NECAP1: variants seen among roughly 807,000 people sequenced by gnomAD.
NECAP1 encodes the protein adaptin ear-binding coat-associated protein 1.
NECAP1 carries 13 observed loss-of-function variants against 33.4 expected under a neutral mutation model. The ratio of observed to expected loss-of-function variants is 0.39; its 90% confidence interval spans 0.25 to 0.62. NECAP1 has a LOEUF of 0.62. NECAP1 is among the 20% of genes least tolerant of loss of function. The pLI is 0.52. For missense variants in NECAP1, 272 were observed against 347.4 expected, an observed-to-expected ratio of 0.78 and a Z score of 1.73; for synonymous variants, 109 against 125.2, an observed-to-expected ratio of 0.87 and a Z score of 0.86.
At chr12:8,084,809 C>T (rs904007456) in intron 1 of NECAP1, among the ~76,000 whole-genome samples, 12 of 152,138 alleles carry the variant, frequency 7.9e-5, no homozygotes, top group African/African-American at 2.7e-4. Context: ...TTTATATTCC[C>T]AGGGTCTAGC....
At chr12:8,087,598 A>T (rs779158202) in intron 1 of NECAP1, among the ~76,000 whole-genome samples, 3 of 150,136 alleles carry the variant, frequency 2.0e-5, no homozygotes, top group African/African-American at 7.4e-5. Context: ...ATCATAGCTC[A>T]CTGCAACCTC....
At chr12:8,093,202 A>G in intron 6 of NECAP1, 147 bp downstream of exon 6, 1 of 745,172 alleles carries the variant, frequency 1.3e-6, no homozygotes, top group South Asian at 1.8e-5. Flanking sequence ...AAGGAATCAA[A>G]GCTTTTCTAG....
chr12:8,090,387 T>C (rs1447420312), intron 3 of NECAP1, 88 bp downstream of exon 3: 2 of 1,180,044 alleles, frequency 1.7e-6, no homozygotes. Context: ...GCATTTATCT[T>C]TCTTTGGTTT....
chr12:8,086,475 G>A (rs961285399), intron 1 of NECAP1, among the ~76,000 whole-genome samples: 3 of 151,654 alleles, frequency 2.0e-5, no homozygotes, highest in East Asian at 1.9e-4. Context: ...TTAGCCAGCC[G>A]TGGTGGCGCA....
chr12:8,092,805 T>A, intron 5 of NECAP1, 21 bp downstream of exon 5: 2 of 1,601,146 alleles, frequency 1.2e-6, no homozygotes, highest in Non-Finnish European at 1.7e-6. Context: ...TTTTTAAAAA[T>A]TTTGTTTTCC....
In NECAP1 at chr12:8,097,260, C is replaced by G. The variant is rs867077853; in HGVS notation, c.*1170C>G. 6.6e-6 allele frequency: 1 copy of G among 152,604 alleles called. No individual in the cohort carries two copies. Among genetic ancestry groups the G allele is most frequent in the African/African-American group, 2.4e-5 (1 of 41,438 alleles). 9.5% of individuals were successfully genotyped at this position (152,604 alleles called of 1,614,324 possible). A position where few individuals can be genotyped will look rare whatever the true frequency, so the allele number is the denominator to read the frequency against. On this transcript the variant is annotated 3_prime_UTR_variant, in exon 8 of 8. Transcript: ENST00000339754. ...TTTCCTTTCCCTCTGCCCTGCCATT[C>G]CTATTACAATGCTGTGAAAAAAGTT...
In NECAP1 at chr12:8,089,767, A is replaced by G. The variant is rs78547750; in HGVS notation, c.96-169A>G. On this transcript the variant is annotated intron_variant, in intron 1 of 7. Transcript: ENST00000339754. The stretch of plus-strand genomic sequence containing the variant: ...TAGCATTGTCTTTTACTTGCTTTGG[A>G]CTGTATGTAACATGAGGCATCTAAA... 9.3e-4 allele frequency: 567 copies of G among 611,848 alleles called. 2 individuals are homozygous for G. In the East Asian group the frequency reaches 0.014, roughly 16 times the overall value. The allele number at this position is 611,848 out of a possible 1,614,324, so 37.9% of individuals were successfully genotyped here.
Position 8,092,942 on chromosome 12 carries a change from C to T in NECAP1, c.563C>T (p.Pro188Leu), listed in dbSNP as rs1352048915. 18 of 1,603,816 alleles carry T rather than the reference C, an allele frequency of 1.1e-5. No individual in the cohort carries two copies. Among genetic ancestry groups the T allele is most frequent in the Non-Finnish European group, 1.4e-5 (17 of 1,175,252 alleles). ...TARGGGLSLL[P>L]PPPGGKVTIP... ...AGGGGTGGGGGTCTGAGCTTACTCC[C>T]ACCCCCGCCAGGAGGCAAAGTCACT... is the stretch of plus-strand genomic sequence containing the variant. The change falls in exon 6 of 8, where the codon CCA (proline) becomes CTA (leucine). Residue 188 changes from proline (P) to leucine (L), a missense_variant. Coordinates refer to ENST00000339754, the MANE Select transcript of NECAP1 (RefSeq NM_015509.4).
At chr12:8,094,356 C>T (rs1321785727) in intron 6 of NECAP1, among the ~76,000 whole-genome samples, 1 of 152,184 alleles carries the variant, frequency 6.6e-6, no homozygotes, top group Non-Finnish European at 1.5e-5. Flanking sequence ...TCAAGTATCA[C>T]AAATGAAAAA....
rs1280737947 is a variant in NECAP1, at chr12:8,082,673, A to G, written c.95+290A>G. ...CTGGGGCACCCATCTGCTCCCCATC[A>G]TGCACTTTCAGTCGTGCTTGCTCCA... On this transcript the variant is annotated intron_variant, in intron 1 of 7. Transcript: ENST00000339754. 9 of 383,634 alleles carry G rather than the reference A, an allele frequency of 2.3e-5. No homozygotes were observed. The East Asian group carries it at 4.1e-4, about 18-fold the overall frequency. The allele number at this position is 383,634 out of a possible 1,614,324, so 23.8% of individuals were successfully genotyped here. A position where few individuals can be genotyped will look rare whatever the true frequency, so the allele number is the denominator to read the frequency against.
rs148215015 is a variant in NECAP1 at position 8,088,037 on chromosome 12, T to C, written c.96-1899T>C. Among the ~76,000 whole-genome samples the C allele has an allele frequency of 3.2e-3, 480 of 152,328 alleles. 3 individuals are homozygous for C. The highest frequency in any genetic ancestry group is 0.01 in the Middle Eastern group (3 of 294). ...TTAGAAGATGAATTATTAATAACTT[T>C]TACTTTGCTAATCTGTTTTCCATAC... On this transcript the variant is annotated intron_variant, in intron 1 of 7. Coordinates refer to ENST00000339754, the MANE Select transcript of NECAP1 (RefSeq NM_015509.4).
chr12:8,090,143 GT>G (rs2120476563), intron 2 of NECAP1, 51 bp from the exon 3 acceptor site: 1 of 1,597,342 alleles, frequency 6.3e-7, no homozygotes, highest in Non-Finnish European at 8.6e-7. Context: ...GTTAATTGGG[GT>G]TCTGGATTTT....
chr12:8,092,502 T>C (rs1947558804), intron 4 of NECAP1, 174 bp from the exon 5 acceptor site: 7 of 568,762 alleles, frequency 1.2e-5, no homozygotes, highest in South Asian at 2.3e-5. Flanking sequence ...CCCAGTGGAA[T>C]TGAACCCCAG....
intron 1 of NECAP1, among the ~76,000 whole-genome samples, chr12:8,087,499 C>A (rs1270319269): frequency 6.7e-6 from 1 of 149,966 alleles, no homozygotes; most frequent in East Asian, 1.9e-4. Context: ...CCAAGAAAAA[C>A]ACATTTAATA....
chr12:8,085,983 G>T (rs1947487212), intron 1 of NECAP1, among the ~76,000 whole-genome samples: 1 of 152,124 alleles, frequency 6.6e-6, no homozygotes, highest in South Asian at 2.1e-4. Context: ...GGGATTACAG[G>T]CATGAGCCAC....
In NECAP1 at chr12:8,097,417, T is replaced by C. The variant is rs1341364616; in HGVS notation, c.*1327T>C. ...ACACTCTGGCCGAAGGGAGTCCTTA[T>C]GTTTAGTTTCAAAATATATTACTTT... On this transcript the variant is annotated 3_prime_UTR_variant, in exon 8 of 8. Transcript: ENST00000339754. The C allele has an allele frequency of 1.3e-5, 2 of 152,664 alleles. No homozygotes were observed. Among genetic ancestry groups the C allele is most frequent in the Non-Finnish European group, 2.9e-5 (2 of 68,050 alleles). 9.5% of individuals were successfully genotyped at this position (152,664 alleles called of 1,614,324 possible).
chr12:8,089,378 A>G (rs1053464702), intron 1 of NECAP1: 13 of 152,262 alleles, frequency 8.5e-5, no homozygotes, highest in Admixed American at 7.2e-4. Flanking sequence ...AATTTTATTT[A>G]TTTCTTTATT....
intron 2 of NECAP1, 46 bp downstream of exon 2, chr12:8,090,082 T>C (rs368523769): frequency 1.3e-6 from 2 of 1,586,292 alleles, no homozygotes; most frequent in African/African-American, 2.7e-5. Flanking sequence ...ATTAATTTGG[T>C]GTGCTTTTAT....
intron 3 of NECAP1, chr12:8,090,956 G>A (rs1488935033): frequency 6.6e-6 from 1 of 152,434 alleles, no homozygotes; most frequent in Admixed American, 6.5e-5. Flanking sequence ...AATAATAAAT[G>A]TTTTAGGTTT....
Sources: allele counts gnomAD v4.1 joint callset (sites outside exome capture counted in the v4.1 genomes callset), GRCh38; gene constraint gnomAD v4.1.1; transcripts MANE v1.5; gene names NCBI Gene and HGNC (gene_info 2026-07-23, HGNC 2026-07-21).